The following TAFA1 variants were observed in gnomAD, a reference collection of about 807,000 sequenced individuals.
TAFA1 encodes the protein TAFA chemokine like family member 1.
TAFA1 carries 4 observed loss-of-function variants against 18.5 expected under a neutral mutation model. The ratio of observed to expected loss-of-function variants is 0.22; its 90% confidence interval spans 0.11 to 0.49. TAFA1 has a LOEUF of 0.49. Ranked by LOEUF, TAFA1 falls within the 20% of genes least tolerant of loss-of-function variation. The pLI, the probability that TAFA1 is intolerant of heterozygous loss-of-function variation, is 0.98. For synonymous variants in TAFA1, 56 were observed against 55.2 expected (o/e 1.01, Z -0.06); for missense variants, 147 against 169.0 (o/e 0.87, Z 0.72).
Position 68,321,335 on chromosome 3 carries a change from T to C in TAFA1, c.119-95945T>C, listed in dbSNP as rs573608077. Reference sequence around the variant, plus strand: ...ACTTCAATAGCTTAGTTGTAAGATTTAATAAGCCTGTGTGCCATAGTAAAG... The same window carrying C: ...ACTTCAATAGCTTAGTTGTAAGATTCAATAAGCCTGTGTGCCATAGTAAAG... On this transcript the variant is annotated intron_variant, in intron 2 of 4. Transcript: ENST00000478136. Among the ~76,000 whole-genome samples the C allele has an allele frequency of 1.2e-4, 18 of 152,330 alleles. No individual in the cohort carries two copies. In the South Asian group the frequency reaches 2.9e-3, roughly 25 times the overall value.
intron 2 of TAFA1, among the ~76,000 whole-genome samples, chr3:68,319,121 A>G (rs1466618268): frequency 6.6e-6 from 1 of 152,212 alleles, no homozygotes; most frequent in African/African-American, 2.4e-5. Context: ...AAGGACATAA[A>G]AGAGATAGTT....
At chr3:68,363,827 G>T (rs6774356) in intron 2 of TAFA1, among the ~76,000 whole-genome samples, 17,217 of 151,990 alleles carry the variant, frequency 0.11, 1,200 homozygotes, top group East Asian at 0.26. Context: ...TTATGAGTAC[G>T]CAAACTGAAG....
chr3:68,027,693 GTC>G, intron 2 of TAFA1, among the ~76,000 whole-genome samples: 2 of 152,064 alleles, frequency 1.3e-5, no homozygotes, highest in South Asian at 4.2e-4. Flanking sequence ...CTTTAAATTT[GTC>G]TCTGTTATTT....
intron 2 of TAFA1, among the ~76,000 whole-genome samples, chr3:68,267,484 C>G (rs530520537): frequency 1.5e-3 from 234 of 152,226 alleles, no homozygotes; most frequent in Non-Finnish European, 2.7e-3. Flanking sequence ...GAAACCAAGC[C>G]TGTGTACCTA....
intron 3 of TAFA1, among the ~76,000 whole-genome samples, chr3:68,492,145 T>C (rs915539563): frequency 6.6e-6 from 1 of 152,190 alleles, no homozygotes; most frequent in African/African-American, 2.4e-5. Flanking sequence ...TTGTGTACAA[T>C]GCACCTCTAT....
chr3:68,260,633 G>T (rs150611060), intron 2 of TAFA1, among the ~76,000 whole-genome samples: 1,889 of 152,014 alleles, frequency 0.012, 44 homozygotes, highest in African/African-American at 0.043. Context: ...ACAACCATCT[G>T]ATCTTTGACA....
intron 2 of TAFA1, among the ~76,000 whole-genome samples, chr3:68,337,690 TA>T (rs1314348470): frequency 1.3e-5 from 2 of 151,808 alleles, no homozygotes; most frequent in Non-Finnish European, 2.9e-5. Context: ...GAACACTTAC[TA>T]GAAGATCTAC....
chr3:68,070,174 G>A, intron 2 of TAFA1, among the ~76,000 whole-genome samples: 1 of 152,316 alleles, frequency 6.6e-6, no homozygotes, highest in East Asian at 1.9e-4. Flanking sequence ...CACCCTTACA[G>A]CAAACTTCTG....
At chr3:68,177,726 C>T (rs916197123) in intron 2 of TAFA1, among the ~76,000 whole-genome samples, 1 of 152,160 alleles carries the variant, frequency 6.6e-6, no homozygotes, top group Non-Finnish European at 1.5e-5. Flanking sequence ...AAATGCTCTT[C>T]CTACTCCTTT....
chr3:68,472,096 T>G (rs114650995), intron 3 of TAFA1, among the ~76,000 whole-genome samples: 3,375 of 152,254 alleles, frequency 0.022, 57 homozygotes, highest in Non-Finnish European at 0.035. Context: ...AGTGACAGAA[T>G]GATATGGTTT....
intron 3 of TAFA1, among the ~76,000 whole-genome samples, chr3:68,488,970 A>G (rs1481291906): frequency 2.0e-5 from 3 of 152,188 alleles, no homozygotes; most frequent in African/African-American, 4.8e-5. Context: ...CAGATCTGAC[A>G]GGCTCTGAGC....
intron 2 of TAFA1, among the ~76,000 whole-genome samples, chr3:68,181,574 T>C (rs2066201278): frequency 6.6e-6 from 1 of 152,186 alleles, no homozygotes; most frequent in Admixed American, 6.5e-5. Flanking sequence ...AGGGTAATTA[T>C]TATTTTTTAT....
At chr3:68,120,698 G>A (rs959909275) in intron 2 of TAFA1, among the ~76,000 whole-genome samples, 5 of 152,060 alleles carry the variant, frequency 3.3e-5, no homozygotes, top group Admixed American at 1.3e-4. Flanking sequence ...TCTGTGCAAC[G>A]GATATTTATT....
intron 3 of TAFA1, among the ~76,000 whole-genome samples, chr3:68,511,383 C>T (rs2072843496): frequency 6.6e-6 from 1 of 152,088 alleles, no homozygotes; most frequent in African/African-American, 2.4e-5. Flanking sequence ...GATTTCTAAT[C>T]ATATATTTCT....
intron 2 of TAFA1, among the ~76,000 whole-genome samples, chr3:68,051,238 T>A (rs1343905579): frequency 2.0e-5 from 3 of 152,206 alleles, no homozygotes; most frequent in Non-Finnish European, 4.4e-5. Context: ...TTCTATTATA[T>A]TCATTTCAAT....
intron 2 of TAFA1, among the ~76,000 whole-genome samples, chr3:68,150,574 G>T (rs1453433674): frequency 6.6e-6 from 1 of 152,080 alleles, no homozygotes; most frequent in African/African-American, 2.4e-5. Flanking sequence ...GTACTAGTGG[G>T]TTCTTGCTGC....
intron 2 of TAFA1, among the ~76,000 whole-genome samples, chr3:68,119,573 T>TG (rs1263159137): frequency 8.2e-6 from 1 of 122,634 alleles, no homozygotes; most frequent in Non-Finnish European, 1.8e-5. Flanking sequence ...TCCAACTTCG[T>TG]TTTTTTTTTC....
In TAFA1 at chr3:68,434,773, T is replaced by C. The variant is rs77805782; in HGVS notation, c.259+17353T>C. The stretch of plus-strand genomic sequence containing the variant: ...GGTATACATTTCAGAGTTAACACCA[T>C]GTGTCTAAAACTAGTCATTTTTGCG... On this transcript the variant is annotated intron_variant, in intron 3 of 4. Coordinates refer to ENST00000478136, the MANE Select transcript of TAFA1 (RefSeq NM_213609.4). 7.3e-3 allele frequency among the ~76,000 whole-genome samples: 1,110 copies of C among 152,224 alleles called. 17 individuals carry two copies. The highest frequency in any genetic ancestry group is 0.026 in the African/African-American group (1,062 of 41,558).
intron 3 of TAFA1, among the ~76,000 whole-genome samples, chr3:68,455,749 T>G (rs1250037896): frequency 1.3e-5 from 2 of 152,126 alleles, no homozygotes; most frequent in Non-Finnish European, 2.9e-5. Context: ...TCTGGATACA[T>G]TATACATTCT....
Sources: allele counts gnomAD v4.1 joint callset (sites outside exome capture counted in the v4.1 genomes callset), GRCh38; gene constraint gnomAD v4.1.1; transcripts MANE v1.5; gene names NCBI Gene and HGNC (gene_info 2026-07-23, HGNC 2026-07-21).